The following ATF6 variants were observed in gnomAD, a reference collection of about 807,000 sequenced individuals.
ATF6 encodes activating transcription factor 6.
ATF6 carries 53 observed loss-of-function variants against 83.6 expected under a neutral mutation model. That is an observed-to-expected ratio of 0.63 (90% CI 0.51 to 0.80). ATF6 has a LOEUF of 0.80. ATF6 is among the 30% of genes least tolerant of loss of function. The pLI is 0.00. For synonymous variants in ATF6, 288 were observed against 285.8 expected (o/e 1.01, Z -0.08); for missense variants, 744 against 797.9 (o/e 0.93, Z 0.81).
At chr1:161,806,512 T>A (rs889294208) in intron 7 of ATF6, among the ~76,000 whole-genome samples, 27 of 152,144 alleles carry the variant, frequency 1.8e-4, no homozygotes, top group African/African-American at 6.5e-4. Flanking sequence ...GTGGGAATAA[T>A]GGAAAGAAAA....
chr1:161,819,689 G>C lies in ATF6; in HGVS notation c.966G>C (p.Gln322His), dbSNP rs1186652044. 3 of 1,612,506 alleles carry C rather than the reference G, an allele frequency of 1.9e-6. No individual in the cohort carries two copies. The South Asian group carries it at 3.3e-5, about 18-fold the overall frequency. The change falls in exon 8 of 16, where the codon CAG becomes CAC. Residue 322 changes from glutamine to histidine, a missense_variant. Transcript: ENST00000367942. ...RMIKNRESAC[Q>H]SRKKKKEYML... ...TAAAAAATCGAGAATCCGCTTGTCAGTCTCGCAAGAAGAAGAAAGAATATA... is the reference window on the plus strand; with the variant it reads ...TAAAAAATCGAGAATCCGCTTGTCACTCTCGCAAGAAGAAGAAAGAATATA...
At chr1:161,954,153 ATAAG>A (rs1424756391) in intron 15 of ATF6, among the ~76,000 whole-genome samples, 1 of 152,150 alleles carries the variant, frequency 6.6e-6, no homozygotes, top group Non-Finnish European at 1.5e-5. Context: ...ATTGAAAATT[ATAAG>A]TAAGAATGGC....
At chr1:161,870,561 C>T (rs746308675) in intron 14 of ATF6, among the ~76,000 whole-genome samples, 9 of 151,644 alleles carry the variant, frequency 5.9e-5, no homozygotes, top group Non-Finnish European at 1.0e-4. Context: ...CTGTATATGG[C>T]GTGCTAGATC....
At chr1:161,836,169 G>A (rs1419672379) in intron 9 of ATF6, among the ~76,000 whole-genome samples, 2 of 152,174 alleles carry the variant, frequency 1.3e-5, no homozygotes, top group Admixed American at 6.5e-5. Context: ...TTCTATTCCA[G>A]CATTCTCTGA....
intron 9 of ATF6, among the ~76,000 whole-genome samples, chr1:161,832,188 C>T (rs144810290): frequency 7.8e-4 from 119 of 151,852 alleles, no homozygotes; most frequent in African/African-American, 2.7e-3. Flanking sequence ...CAAAAGACTA[C>T]CAGAATTGGC....
chr1:161,930,829 A>G (rs1391465295), intron 15 of ATF6, among the ~76,000 whole-genome samples: 1 of 152,204 alleles, frequency 6.6e-6, no homozygotes, highest in African/African-American at 2.4e-5. Flanking sequence ...GAATGACGTG[A>G]AGGAATTTAT....
intron 14 of ATF6, among the ~76,000 whole-genome samples, chr1:161,889,512 G>A (rs1687504577): frequency 6.6e-6 from 1 of 152,210 alleles, no homozygotes; most frequent in Non-Finnish European, 1.5e-5. Flanking sequence ...TTTCTTCTGA[G>A]TTCTAAATCA....
At chr1:161,955,014 A>G (rs1257372267) in intron 15 of ATF6, among the ~76,000 whole-genome samples, 1 of 152,158 alleles carries the variant, frequency 6.6e-6, no homozygotes, top group Non-Finnish European at 1.5e-5. Flanking sequence ...CATTAAGTAT[A>G]CATTTACAAA....
At chr1:161,931,608 C>T (rs1688435464) in intron 15 of ATF6, among the ~76,000 whole-genome samples, 1 of 152,136 alleles carries the variant, frequency 6.6e-6, no homozygotes, top group African/African-American at 2.4e-5. Flanking sequence ...AGTGACTCCT[C>T]ATTCACCCCT....
chr1:161,823,133 TA>T (rs1685804592), intron 9 of ATF6, among the ~76,000 whole-genome samples: 1 of 152,062 alleles, frequency 6.6e-6, no homozygotes, highest in Non-Finnish European at 1.5e-5. Flanking sequence ...GTGGTTTATA[TA>T]TACTGATATT....
At chr1:161,840,854 T>C (rs1686339896) in intron 9 of ATF6, among the ~76,000 whole-genome samples, 1 of 152,192 alleles carries the variant, frequency 6.6e-6, no homozygotes, top group African/African-American at 2.4e-5. Flanking sequence ...TTTCTGATCA[T>C]AGAGACAGCT....
intron 15 of ATF6, among the ~76,000 whole-genome samples, chr1:161,931,889 T>G (rs1017709112): frequency 1.3e-5 from 2 of 152,244 alleles, no homozygotes; most frequent in Non-Finnish European, 2.9e-5. Context: ...GGTTAAATTT[T>G]GGTTTTCTGA....
rs193271246 is a variant in ATF6, at chr1:161,917,715, C to T, written c.1804+5335C>T. On this transcript the variant is annotated intron_variant, in intron 15 of 15. Coordinates refer to ENST00000367942, the MANE Select transcript of ATF6 (RefSeq NM_007348.4). ...GATTACAGGCGTGAGCCACCGCGCC[C>T]GGCCTTTATACACAATTTTTCACAA... Among the ~76,000 whole-genome samples, 18 of 152,248 alleles carry T rather than the reference C, an allele frequency of 1.2e-4. No individual in the cohort carries two copies. In the East Asian group the frequency reaches 1.4e-3, roughly 11 times the overall value.
intron 9 of ATF6, among the ~76,000 whole-genome samples, chr1:161,831,773 C>T (rs1686066701): frequency 1.6e-5 from 2 of 127,518 alleles, no homozygotes; most frequent in Admixed American, 2.0e-4. Flanking sequence ...GGAGGGGGAA[C>T]ATCACACACT....
At chr1:161,847,450 T>C (rs1215612845) in intron 10 of ATF6, among the ~76,000 whole-genome samples, 2 of 152,150 alleles carry the variant, frequency 1.3e-5, no homozygotes. Flanking sequence ...CTGAAAAAAC[T>C]GTTATTTTTG....
At chr1:161,931,762 C>A (rs914292489) in intron 15 of ATF6, among the ~76,000 whole-genome samples, 2 of 152,064 alleles carry the variant, frequency 1.3e-5, no homozygotes, top group Non-Finnish European at 2.9e-5. Context: ...ATTATATCTT[C>A]TAGGTACAAG....
chr1:161,770,705 C>A (rs955518665), intron 1 of ATF6, among the ~76,000 whole-genome samples: 1 of 152,196 alleles, frequency 6.6e-6, no homozygotes, highest in Non-Finnish European at 1.5e-5. Flanking sequence ...CATAAATTCA[C>A]AGTTTGCTTA....
At chr1:161,948,494 C>T (rs1484040635) in intron 15 of ATF6, among the ~76,000 whole-genome samples, 1 of 152,130 alleles carries the variant, frequency 6.6e-6, no homozygotes, top group African/African-American at 2.4e-5. Context: ...GTAGTATCTG[C>T]ATTAGTCTCT....
At chr1:161,917,769 A>C (rs1257434026) in intron 15 of ATF6, among the ~76,000 whole-genome samples, 3 of 152,210 alleles carry the variant, frequency 2.0e-5, no homozygotes, top group African/African-American at 2.4e-5. Context: ...GTTAATATAC[A>C]TTGAACCATC....
Sources: gnomAD v4.1 joint callset for allele counts (sites outside exome capture counted in the v4.1 genomes callset) on GRCh38, gnomAD v4.1.1 for gene constraint, MANE v1.5 for transcripts, NCBI Gene and HGNC (gene_info 2026-07-23, HGNC 2026-07-21) for gene names.